Variants in UVRAG observed in about 807,000 individuals in gnomAD.
The protein encoded by UVRAG is UV radiation resistance-associated gene protein.
UVRAG carries 19 observed loss-of-function variants against 78.0 expected under a neutral mutation model. The ratio of observed to expected loss-of-function variants is 0.24; its 90% CI spans 0.17 to 0.36. UVRAG has a LOEUF of 0.36. Ranked by LOEUF, UVRAG falls within the 10% of genes least tolerant of loss-of-function variation. The probability of loss-of-function intolerance (pLI) is 1.00; values close to 1 mark genes in which losing one functional copy is unlikely to be tolerated. For synonymous variants in UVRAG, 323 were observed against 324.6 expected (o/e 1.00, Z 0.05); for missense variants, 740 against 853.8 (o/e 0.87, Z 1.66).
chr11:75,953,317 A>T (rs1948739605), intron 6 of UVRAG, among the ~76,000 whole-genome samples: 1 of 152,186 alleles, frequency 6.6e-6, no homozygotes, highest in African/African-American at 2.4e-5. Context: ...TATCTTTCTA[A>T]AGTGCAAATG....
Position 76,028,622 on chromosome 11 carries a change from T to C in UVRAG, c.1226+11642T>C, listed in dbSNP as rs181527523. ...ATGGATAGAGTTTTAGTGGTCTGGATAAAAAAGTCAAACCAGCCGCAACAT... is the reference window on the plus strand; with the variant it reads ...ATGGATAGAGTTTTAGTGGTCTGGACAAAAAAGTCAAACCAGCCGCAACAT... On this transcript the variant is annotated intron_variant, in intron 12 of 14. Coordinates refer to ENST00000356136, the MANE Select transcript of UVRAG (RefSeq NM_003369.4). 3.1e-3 allele frequency among the ~76,000 whole-genome samples: 472 copies of C among 152,156 alleles called. 6 individuals are homozygous for C. The highest frequency in any genetic ancestry group is 0.011 in the African/African-American group (449 of 41,528).
At chr11:76,087,288 G>A (rs1951604551) in intron 13 of UVRAG, among the ~76,000 whole-genome samples, 1 of 152,184 alleles carries the variant, frequency 6.6e-6, no homozygotes, top group Non-Finnish European at 1.5e-5. Context: ...ACAGATATGA[G>A]TTGCCATGTT....
intron 2 of UVRAG, among the ~76,000 whole-genome samples, chr11:75,854,112 T>G (rs191070096): frequency 2.6e-5 from 4 of 152,318 alleles, no homozygotes; most frequent in African/African-American, 7.2e-5. Flanking sequence ...TTCATCTGAA[T>G]GATTAATGCT....
chr11:76,045,566 A>G (rs1380998823), intron 12 of UVRAG, among the ~76,000 whole-genome samples: 4 of 152,188 alleles, frequency 2.6e-5, no homozygotes, highest in Non-Finnish European at 5.9e-5. Flanking sequence ...GAGACAAGGG[A>G]AAGTACTATG....
At chr11:75,963,245 C>G (rs952664301) in intron 7 of UVRAG, among the ~76,000 whole-genome samples, 2 of 152,226 alleles carry the variant, frequency 1.3e-5, no homozygotes, top group Admixed American at 1.3e-4. Flanking sequence ...TTTCCAGCAT[C>G]TAGAAAAGTG....
intron 6 of UVRAG, among the ~76,000 whole-genome samples, chr11:75,913,190 T>G (rs1437058871): frequency 2.0e-5 from 3 of 152,164 alleles, no homozygotes; most frequent in Non-Finnish European, 4.4e-5. Flanking sequence ...GTAAGTAAAA[T>G]GAGGCGTAGG....
Position 76,141,413 on chromosome 11 carries a change from A to T in UVRAG, c.2100A>T (p.Ter700CysextTer18). Residue 700 changes from the stop codon to cysteine (C), a stop_lost, in exon 15 of 15, where the codon TGA (stop) becomes TGT (cysteine). Transcript: ENST00000356136. The stretch of plus-strand genomic sequence containing the variant: ...GGCCGCGCAGGAGTTCCGATAAGTG[A>T]AGTGAGCAGGTCAACAGTAGGACTG... ...FRRPRRSSDK[*>C] is the part of the protein sequence containing the mutation. 1 of 1,611,466 alleles carries T rather than the reference A, an allele frequency of 6.2e-7. No individual in the cohort carries two copies. Among genetic ancestry groups the T allele is most frequent in the Non-Finnish European group, 8.5e-7 (1 of 1,179,490 alleles).
intron 5 of UVRAG, among the ~76,000 whole-genome samples, chr11:75,903,316 A>G (rs564801577): frequency 4.1e-4 from 63 of 152,300 alleles, no homozygotes; most frequent in African/African-American, 1.5e-3. Context: ...GAAACCTTCC[A>G]TGAGTTCTTA....
rs1297610268 is a variant in UVRAG at position 75,855,327 on chromosome 11, T to G, written c.235+3327T>G. The stretch of plus-strand genomic sequence containing the variant: ...GGGGAAGTCCGGGGTCTGGTGTTGC[T>G]GTTGAATCTGGCACTAGCTGTCAAG... On this transcript the variant is annotated intron_variant, in intron 2 of 14. Coordinates refer to ENST00000356136, the MANE Select transcript of UVRAG (RefSeq NM_003369.4). Among the ~76,000 whole-genome samples the G allele has an allele frequency of 2.6e-5, 4 of 152,252 alleles. No homozygotes were observed. In the East Asian group the frequency reaches 7.7e-4, roughly 29 times the overall value.
chr11:76,136,182 T>C (rs964858276), intron 14 of UVRAG, among the ~76,000 whole-genome samples: 8 of 152,312 alleles, frequency 5.3e-5, no homozygotes, highest in African/African-American at 1.9e-4. Context: ...AAAAATACTC[T>C]TTTATTTCTT....
At chr11:75,988,931 G>GT (rs1949552230) in intron 8 of UVRAG, among the ~76,000 whole-genome samples, 1 of 152,096 alleles carries the variant, frequency 6.6e-6, no homozygotes, top group Admixed American at 6.5e-5. Context: ...GGATGGTAAC[G>GT]TTATTATTAA....
At chr11:76,078,752 C>CAAAAAAAAAAAAAAAAAAAAA (rs61700855) in intron 13 of UVRAG, among the ~76,000 whole-genome samples, 1 of 37,200 alleles carries the variant, frequency 2.7e-5, no homozygotes, top group African/African-American at 6.8e-5. Flanking sequence ...ACTAAAAATA[C>CAAAAAAAAAAAAAAAAAAAAA]AAAAAAAAAA....
chr11:76,077,560 T>C (rs1951425739), intron 13 of UVRAG, among the ~76,000 whole-genome samples: 1 of 152,266 alleles, frequency 6.6e-6, no homozygotes. Context: ...TAGCTTATTT[T>C]AGGGCACAGG....
At chr11:75,877,439 C>T (rs1946815272) in intron 3 of UVRAG, among the ~76,000 whole-genome samples, 1 of 151,454 alleles carries the variant, frequency 6.6e-6, no homozygotes, top group South Asian at 2.1e-4. Flanking sequence ...GGCAGAGGTG[C>T]CCCTCACCTC....
At chr11:76,132,255 T>A (rs1952525099) in intron 14 of UVRAG, among the ~76,000 whole-genome samples, 1 of 152,264 alleles carries the variant, frequency 6.6e-6, no homozygotes, top group Non-Finnish European at 1.5e-5. Flanking sequence ...AGGTCATAGA[T>A]TGCTACAAGG....
At chr11:75,989,268 C>T (rs909224490) in intron 8 of UVRAG, among the ~76,000 whole-genome samples, 3 of 152,052 alleles carry the variant, frequency 2.0e-5, no homozygotes, top group East Asian at 3.9e-4. Context: ...TTGTCCAGCC[C>T]GGTCTTGAAC....
At chr11:76,027,721 G>C (rs1950354716) in intron 12 of UVRAG, among the ~76,000 whole-genome samples, 1 of 152,106 alleles carries the variant, frequency 6.6e-6, no homozygotes, top group Non-Finnish European at 1.5e-5. Flanking sequence ...AGGAATCCTA[G>C]GCATGTAAGT....
intron 4 of UVRAG, among the ~76,000 whole-genome samples, chr11:75,882,899 C>T (rs999782939): frequency 4.6e-5 from 7 of 152,114 alleles, no homozygotes; most frequent in South Asian, 2.1e-4. Flanking sequence ...TTTAAAAAAT[C>T]TTAATTTTTT....
intron 2 of UVRAG, among the ~76,000 whole-genome samples, chr11:75,856,044 C>G (rs902235891): frequency 1.3e-5 from 2 of 152,152 alleles, no homozygotes; most frequent in African/African-American, 4.8e-5. Flanking sequence ...GGCTGGAGTG[C>G]AGTGGCGCGA....
Sources: gnomAD v4.1 joint callset for allele counts (sites outside exome capture counted in the v4.1 genomes callset) on GRCh38, gnomAD v4.1.1 for gene constraint, MANE v1.5 for transcripts, NCBI Gene and HGNC (gene_info 2026-07-23, HGNC 2026-07-21) for gene names.